Variants in CNTNAP2 observed in about 807,000 individuals in gnomAD.
CNTNAP2 encodes the protein contactin associated protein 2, also known as contactin-associated protein-like 2.
A neutral mutation model predicts 155.2 loss-of-function variants in CNTNAP2; 98 were observed. That is an observed-to-expected ratio of 0.63 (90% CI 0.54 to 0.75). The LOEUF (loss-of-function observed/expected upper bound fraction) is 0.75. CNTNAP2 is among the 30% of genes least tolerant of loss of function. The pLI is 0.00. For synonymous variants in CNTNAP2, 651 were observed against 631.2 expected, an observed-to-expected ratio of 1.03 and a Z score of -0.47; for missense variants, 1,727 against 1,688.1, an observed-to-expected ratio of 1.02 and a Z score of -0.40.
At chr7:147,841,306 C>T (rs1165338403) in intron 13 of CNTNAP2, among the ~76,000 whole-genome samples, 2 of 152,130 alleles carry the variant, frequency 1.3e-5, no homozygotes, top group African/African-American at 4.8e-5. Context: ...AGGTAATCGC[C>T]AACAAACACA....
At chr7:146,320,966 A>C (rs1800990480) in intron 1 of CNTNAP2, among the ~76,000 whole-genome samples, 1 of 152,150 alleles carries the variant, frequency 6.6e-6, no homozygotes, top group Admixed American at 6.6e-5. Flanking sequence ...GGCTATTAAA[A>C]TTACTTTTGT....
intron 14 of CNTNAP2, among the ~76,000 whole-genome samples, chr7:147,971,871 A>C (rs1801340530): frequency 6.6e-6 from 1 of 152,154 alleles, no homozygotes; most frequent in African/African-American, 2.4e-5. Context: ...AAACTGCCAA[A>C]CTGTTTTCAA....
chr7:147,388,823 G>T (rs1374537313), intron 9 of CNTNAP2, among the ~76,000 whole-genome samples: 2 of 152,084 alleles, frequency 1.3e-5, no homozygotes, highest in African/African-American at 2.4e-5. Context: ...TTCGTGATCT[G>T]CCCACCTCAG....
intron 19 of CNTNAP2, among the ~76,000 whole-genome samples, chr7:148,226,586 G>A (rs1795853818): frequency 6.6e-6 from 1 of 152,006 alleles, no homozygotes; most frequent in African/African-American, 2.4e-5. Flanking sequence ...GCAAAATGAT[G>A]GAGTTTAACG....
intron 20 of CNTNAP2, chr7:148,263,009 C>T (rs925658159): frequency 1.3e-5 from 2 of 152,296 alleles, no homozygotes; most frequent in African/African-American, 4.8e-5. Context: ...CACAATCCCA[C>T]TCATCCCTTC....
intron 1 of CNTNAP2, among the ~76,000 whole-genome samples, chr7:146,497,674 A>G (rs1797238889): frequency 6.6e-6 from 1 of 151,682 alleles, no homozygotes; most frequent in Non-Finnish European, 1.5e-5. Context: ...TGTCAAATTG[A>G]TTCTTATTGA....
intron 1 of CNTNAP2, among the ~76,000 whole-genome samples, chr7:146,418,707 A>G (rs1795970508): frequency 6.6e-6 from 1 of 152,152 alleles, no homozygotes; most frequent in African/African-American, 2.4e-5. Flanking sequence ...ATAAAATACT[A>G]TCATATCCTC....
At chr7:146,823,780 T>G (rs1803344761) in intron 2 of CNTNAP2, among the ~76,000 whole-genome samples, 1 of 152,050 alleles carries the variant, frequency 6.6e-6, no homozygotes, top group African/African-American at 2.4e-5. Flanking sequence ...TTTCAAAAAC[T>G]ATGACATGTT....
intron 1 of CNTNAP2, among the ~76,000 whole-genome samples, chr7:146,471,775 A>C (rs1409017101): frequency 2.6e-5 from 4 of 152,224 alleles, no homozygotes; most frequent in Admixed American, 6.5e-5. Context: ...CAGAAAATTG[A>C]CTTTTTAATT....
intron 16 of CNTNAP2, among the ~76,000 whole-genome samples, chr7:148,142,468 C>A (rs1253161478): frequency 6.6e-6 from 1 of 152,044 alleles, no homozygotes; most frequent in Non-Finnish European, 1.5e-5. Context: ...TCTGTTCTAC[C>A]AATTACCAGT....
intron 10 of CNTNAP2, among the ~76,000 whole-genome samples, chr7:147,477,666 A>G (rs555083648): frequency 1.3e-5 from 2 of 152,356 alleles, no homozygotes; most frequent in East Asian, 3.9e-4. Context: ...ATTAGGGGTG[A>G]AGAGAATATA....
In CNTNAP2 at chr7:147,120,990, C is replaced by T. The variant is rs774670250; in HGVS notation, c.766C>T (p.Leu256Phe). The T allele has an allele frequency of 5.0e-6, 8 of 1,613,532 alleles. No individual in the cohort carries two copies. Among genetic ancestry groups the T allele is most frequent in the South Asian group, 3.3e-5 (3 of 91,066 alleles). Reference protein sequence around the residue: ...VLSLNLGSNQLGPIYGHTSVM... With the variant: ...VLSLNLGSNQFGPIYGHTSVM... The stretch of plus-strand genomic sequence containing the variant: ...TTCTGTGTACGCAGGAAGCAACCAG[C>T]TTGGCCCCATATATGGCCACACATC... Residue 256 changes from leucine to phenylalanine, a missense_variant, in exon 6 of 24, where the codon CTT becomes TTT. Physicochemically the swap from Leu to Phe is conservative, Grantham distance 22. Transcript: ENST00000361727.
chr7:147,874,767 A>G (rs961223598), intron 13 of CNTNAP2, among the ~76,000 whole-genome samples: 1 of 152,182 alleles, frequency 6.6e-6, no homozygotes, highest in Non-Finnish European at 1.5e-5. Context: ...ATCAGGCTGC[A>G]AATTTTCCAA....
At chr7:146,960,180 G>T (rs1052223276) in intron 3 of CNTNAP2, among the ~76,000 whole-genome samples, 1 of 152,132 alleles carries the variant, frequency 6.6e-6, no homozygotes, top group Non-Finnish European at 1.5e-5. Context: ...AAAAAAATAA[G>T]TTTCTTTTTC....
intron 9 of CNTNAP2, among the ~76,000 whole-genome samples, chr7:147,375,837 T>G (rs187173107): frequency 6.6e-6 from 1 of 152,074 alleles, no homozygotes; most frequent in African/African-American, 2.4e-5. Context: ...AGTTCACTCT[T>G]ACTTTGGTGA....
At chr7:147,388,907 G>A (rs1433933075) in intron 9 of CNTNAP2, among the ~76,000 whole-genome samples, 2 of 152,050 alleles carry the variant, frequency 1.3e-5, no homozygotes, top group Admixed American at 6.6e-5. Context: ...TTTCTTTGAC[G>A]TTGGGAATTT....
rs141962487 is a variant in CNTNAP2 at position 148,037,014 on chromosome 7, C to T, written c.2383+59025C>T. 9.8e-3 allele frequency among the ~76,000 whole-genome samples: 1,493 copies of T among 152,220 alleles called. 25 individuals carry two copies. Among genetic ancestry groups the T allele is most frequent in the African/African-American group, 0.034 (1,417 of 41,546 alleles). ...TACTTTCTTTCAGATTTTAGAAGAGCTATGTTGAGAAGATTTGCTAGGCCT... is the reference window on the plus strand; with the variant it reads ...TACTTTCTTTCAGATTTTAGAAGAGTTATGTTGAGAAGATTTGCTAGGCCT... On this transcript the variant is annotated intron_variant, in intron 15 of 23. Coordinates refer to ENST00000361727, the MANE Select transcript of CNTNAP2 (RefSeq NM_014141.6).
At chr7:146,572,845 T>C (rs2129146350) in intron 1 of CNTNAP2, among the ~76,000 whole-genome samples, 1 of 152,266 alleles carries the variant, frequency 6.6e-6, no homozygotes, top group East Asian at 1.9e-4. Flanking sequence ...GTGGTTTGTA[T>C]AACTGGAGTT....
At chr7:146,704,659 A>G (rs344453) in intron 1 of CNTNAP2, among the ~76,000 whole-genome samples, 36,942 of 152,130 alleles carry the variant, frequency 0.24, 11,441 homozygotes, top group African/African-American at 0.73. Flanking sequence ...TGTGAGGTCA[A>G]TTGGTTAACC....
Sources: gnomAD v4.1 joint callset for allele counts (sites outside exome capture counted in the v4.1 genomes callset) on GRCh38, gnomAD v4.1.1 for gene constraint, MANE v1.5 for transcripts, NCBI Gene and HGNC (gene_info 2026-07-23, HGNC 2026-07-21) for gene names.